Variants in MAP2K4 observed in about 807,000 individuals in gnomAD.
MAP2K4 encodes the protein mitogen-activated protein kinase kinase 4, also known as dual specificity mitogen-activated protein kinase kinase 4.
A neutral mutation model predicts 48.5 loss-of-function variants in MAP2K4; 4 were observed. The observed-to-expected ratio is 0.08, with a 90% CI of 0.04 to 0.19. The LOEUF is 0.19. Ranked by LOEUF, MAP2K4 falls within the 10% of genes least tolerant of loss-of-function variation. MAP2K4 has a pLI of 1.00. For synonymous variants in MAP2K4, 166 were observed against 173.1 expected, an observed-to-expected ratio of 0.96 and a Z score of 0.32; for missense variants, 258 against 493.3, an observed-to-expected ratio of 0.52 and a Z score of 4.52.
At chr17:12,032,631 G>A (rs1969475441) in intron 1 of MAP2K4, among the ~76,000 whole-genome samples, 1 of 152,080 alleles carries the variant, frequency 6.6e-6, no homozygotes, top group Non-Finnish European at 1.5e-5. Context: ...TTTTAAGATC[G>A]TGGTGCAGAA....
intron 1 of MAP2K4, chr17:12,032,445 T>TA (rs1403401365): frequency 7.3e-6 from 3 of 410,434 alleles, no homozygotes; most frequent in African/African-American, 6.1e-5. Context: ...TTCCAAATAT[T>TA]AAAAAAATTA....
chr17:12,077,845 A>T (rs1355990688), intron 2 of MAP2K4, among the ~76,000 whole-genome samples: 2 of 152,190 alleles, frequency 1.3e-5, no homozygotes, highest in East Asian at 3.9e-4. Flanking sequence ...CTGGCAAGGT[A>T]GGTTTTAACC....
At chr17:12,090,655 C>G (rs934711022) in intron 3 of MAP2K4, among the ~76,000 whole-genome samples, 5 of 152,168 alleles carry the variant, frequency 3.3e-5, no homozygotes, top group Non-Finnish European at 7.3e-5. Context: ...TCCCTTCTCC[C>G]TGTCTCTTCC....
chr17:12,115,910 C>T (rs1239170226), intron 7 of MAP2K4: 3 of 567,974 alleles, frequency 5.3e-6, no homozygotes, highest in South Asian at 3.2e-5. Flanking sequence ...AGCCTGTGAC[C>T]TTCCTCCGGT....
chr17:12,032,187 T>C, intron 1 of MAP2K4: 1 of 644,324 alleles, frequency 1.6e-6, no homozygotes, highest in Non-Finnish European at 2.4e-6. Flanking sequence ...AAATTTAATA[T>C]AAAAATGCAA....
rs1973385693 is a variant in MAP2K4 at position 12,141,819 on chromosome 17, GT to G, written c.*562del. On this transcript the variant is annotated 3_prime_UTR_variant, in exon 11 of 11. Transcript: ENST00000353533. Reference sequence around the variant, plus strand: ...CTGTTGCTTTACAGTTACAGTTGATGTTTGGGGATCGATGTGCTCAGCCAAA... The same window carrying G: ...CTGTTGCTTTACAGTTACAGTTGATGTTGGGGATCGATGTGCTCAGCCAAA... 8.6e-6 allele frequency: 2 copies of G among 233,788 alleles called. No homozygotes were observed. The highest frequency in any genetic ancestry group is 3.6e-4 in the South Asian group (2 of 5,536). The allele number at this position is 233,788 out of a possible 1,614,324, so 14.5% of individuals were successfully genotyped here.
intron 1 of MAP2K4, among the ~76,000 whole-genome samples, chr17:12,027,189 G>T (rs1035212817): frequency 1.3e-5 from 2 of 152,112 alleles, no homozygotes; most frequent in Non-Finnish European, 2.9e-5. Flanking sequence ...TAAATTAATA[G>T]AAAGTATTCA....
Position 12,143,559 on chromosome 17 carries a change from T to TA in MAP2K4, c.*2305dup, listed in dbSNP as rs907792847. The TA allele has an allele frequency of 1.7e-5, 4 of 231,022 alleles. No individual in the cohort carries two copies. Among genetic ancestry groups the TA allele is most frequent in the Non-Finnish European group, 3.4e-5 (4 of 116,504 alleles). The allele number at this position is 231,022 out of a possible 1,614,324, so 14.3% of individuals were successfully genotyped here. On this transcript the variant is annotated 3_prime_UTR_variant, in exon 11 of 11. Transcript: ENST00000353533. ...GCAGGGATATTGCCTTATTTGTCTGTAAAAAATGGAGCTCAGTAACATAAC... is the reference window on the plus strand; with the variant it reads ...GCAGGGATATTGCCTTATTTGTCTGTAAAAAAATGGAGCTCAGTAACATAAC...
intron 3 of MAP2K4, among the ~76,000 whole-genome samples, chr17:12,094,524 G>T (rs2151560540): frequency 6.6e-6 from 1 of 152,278 alleles, no homozygotes; most frequent in East Asian, 1.9e-4. Flanking sequence ...ATACTAACTT[G>T]CCTTGTAAGT....
intron 3 of MAP2K4, among the ~76,000 whole-genome samples, chr17:12,088,177 G>A (rs1971426422): frequency 6.6e-6 from 1 of 151,942 alleles, no homozygotes; most frequent in African/African-American, 2.4e-5. Flanking sequence ...GGACACTGGA[G>A]GAGTGTGATC....
intron 7 of MAP2K4, chr17:12,115,921 A>G: frequency 1.9e-6 from 1 of 532,386 alleles, no homozygotes. Flanking sequence ...TTCCTCCGGT[A>G]GTTCATCTTC....
chr17:12,036,367 A>G (rs1414024590), intron 1 of MAP2K4: 1 of 152,206 alleles, frequency 6.6e-6, no homozygotes, highest in Non-Finnish European at 1.5e-5. Context: ...GTACATGTAA[A>G]GGTATTTATA....
intron 1 of MAP2K4, among the ~76,000 whole-genome samples, chr17:12,044,386 A>G (rs28918095): frequency 0.014 from 2,092 of 152,284 alleles, 16 homozygotes; most frequent in East Asian, 0.047. Flanking sequence ...ATTCTAATCT[A>G]CTTGCTAATG....
At chr17:12,058,774 T>C (rs1970362814) in intron 2 of MAP2K4, among the ~76,000 whole-genome samples, 2 of 152,350 alleles carry the variant, frequency 1.3e-5, no homozygotes, top group Admixed American at 6.5e-5. Context: ...ATAATCATAG[T>C]ACCATTGCTA....
At chr17:12,022,130 G>A (rs967468524) in intron 1 of MAP2K4, among the ~76,000 whole-genome samples, 2 of 152,174 alleles carry the variant, frequency 1.3e-5, no homozygotes, top group African/African-American at 4.8e-5. Context: ...CTCTTAAAGG[G>A]CTTCTAGCAT....
At chr17:12,031,846 C>T (rs1332307967) in intron 1 of MAP2K4, among the ~76,000 whole-genome samples, 2 of 152,116 alleles carry the variant, frequency 1.3e-5, no homozygotes, top group Admixed American at 1.3e-4. Context: ...AAAACTTTTG[C>T]ATCATAGATG....
chr17:12,023,899 A>G (rs1969173187), intron 1 of MAP2K4, among the ~76,000 whole-genome samples: 1 of 152,146 alleles, frequency 6.6e-6, no homozygotes, highest in African/African-American at 2.4e-5. Context: ...TAAGCCTGGG[A>G]CCTGACATGT....
chr17:12,076,118 C>T (rs1177473667), intron 2 of MAP2K4, among the ~76,000 whole-genome samples: 2 of 152,124 alleles, frequency 1.3e-5, no homozygotes, highest in African/African-American at 2.4e-5. Flanking sequence ...GTGGCTAGAG[C>T]TGTTCTAATA....
chr17:12,059,192 G>T (rs1970374655), intron 2 of MAP2K4, among the ~76,000 whole-genome samples: 1 of 152,090 alleles, frequency 6.6e-6, no homozygotes, highest in Non-Finnish European at 1.5e-5. Flanking sequence ...TAAAATGAAA[G>T]ATTAAACTGG....
Sources: gnomAD v4.1 joint callset for allele counts (sites outside exome capture counted in the v4.1 genomes callset) on GRCh38, gnomAD v4.1.1 for gene constraint, MANE v1.5 for transcripts, NCBI Gene and HGNC (gene_info 2026-07-23, HGNC 2026-07-21) for gene names.